CHIA: variants seen among roughly 807,000 people sequenced by gnomAD.
CHIA encodes chitinase acidic.
Under a neutral mutation model 53.5 loss-of-function variants are expected in CHIA, and 47 were observed. The ratio of observed to expected loss-of-function variants is 0.88; its 90% CI spans 0.70 to 1.12. The LOEUF is 1.12. Ranked by LOEUF, CHIA falls within the 50% of genes most tolerant of loss-of-function variation. The pLI is 0.00. For missense variants in CHIA, 652 were observed against 592.2 expected, an observed-to-expected ratio of 1.10 and a Z score of -1.05; for synonymous variants, 268 against 222.2, an observed-to-expected ratio of 1.21 and a Z score of -1.83.
chr1:111,302,801 C>T (rs952533549), intron 1 of CHIA, among the ~76,000 whole-genome samples: 1 of 152,086 alleles, frequency 6.6e-6, no homozygotes, highest in South Asian at 2.1e-4. Flanking sequence ...TCTATTTCCT[C>T]ACTTATCTTC....
intron 1 of CHIA, among the ~76,000 whole-genome samples, 193 bp downstream of exon 1, chr1:111,291,143 C>T (rs997417654): frequency 3.9e-5 from 6 of 152,172 alleles, no homozygotes; most frequent in African/African-American, 1.4e-4. Flanking sequence ...TCCCCTCACA[C>T]ATCTCTCACA....
chr1:111,312,072 C>T, intron 3 of CHIA, 118 bp from the exon 4 acceptor site: 1 of 774,636 alleles, frequency 1.3e-6, no homozygotes, highest in Non-Finnish European at 2.3e-6. Context: ...CTAATTACCT[C>T]CACACAGAGA....
chr1:111,318,826 C>G, intron 9 of CHIA, 148 bp downstream of exon 9: 2 of 914,634 alleles, frequency 2.2e-6, no homozygotes, highest in Non-Finnish European at 3.2e-6. Flanking sequence ...CATTCATTTA[C>G]ATAATCCAAA....
chr1:111,316,320 C>T (rs926426894), intron 6 of CHIA: 1 of 155,618 alleles, frequency 6.4e-6, no homozygotes, highest in African/African-American at 2.4e-5. Context: ...AGAGAGCTGG[C>T]TTTTACCATA....
In CHIA at chr1:111,314,472, G is replaced by A; in HGVS notation, c.258-68G>A. The A allele has an allele frequency of 3.7e-6, 4 of 1,079,664 alleles. 1 individual carries two copies. The highest frequency in any genetic ancestry group is 5.8e-6 in the Non-Finnish European group (4 of 695,652). 66.9% of individuals were successfully genotyped at this position (1,079,664 alleles called of 1,614,324 possible). A position where few individuals can be genotyped will look rare whatever the true frequency, so the allele number is the denominator to read the frequency against. Reference sequence around the variant, plus strand: ...ATATCTGACCAGATCCAACACTAAAGCAATGTATTTTAAATGGAGGGAGTC... The same window carrying A: ...ATATCTGACCAGATCCAACACTAAAACAATGTATTTTAAATGGAGGGAGTC... On this transcript the variant is annotated intron_variant, in intron 4 of 11. Coordinates refer to ENST00000369740, the MANE Select transcript of CHIA (RefSeq NM_201653.4).
At chr1:111,304,458 A>G (rs12026895) in intron 1 of CHIA, among the ~76,000 whole-genome samples, 1 of 152,098 alleles carries the variant, frequency 6.6e-6, no homozygotes, top group Non-Finnish European at 1.5e-5. Context: ...CTCAAACTTA[A>G]TAATTTTCAC....
intron 2 of CHIA, 111 bp downstream of exon 2, chr1:111,310,603 C>A: frequency 6.5e-7 from 1 of 1,539,140 alleles, no homozygotes; most frequent in South Asian, 1.3e-5. Flanking sequence ...CTTTTCCATT[C>A]TTCTTTCATC....
intron 4 of CHIA, 37 bp from the exon 5 acceptor site, chr1:111,314,503 T>A (rs1246131623): frequency 1.4e-6 from 2 of 1,433,262 alleles, no homozygotes; most frequent in Non-Finnish European, 9.8e-7. Flanking sequence ...GAGTCCTGAC[T>A]TTTGAAGTTT....
chr1:111,304,644 A>G (rs1648031537), intron 1 of CHIA, among the ~76,000 whole-genome samples: 1 of 151,934 alleles, frequency 6.6e-6, no homozygotes, highest in Non-Finnish European at 1.5e-5. Flanking sequence ...TTCATACATC[A>G]TTTTCTTCAT....
chr1:111,310,448 G>T lies in CHIA; in HGVS notation c.-20G>T. 1 of 1,614,158 alleles carries T rather than the reference G, an allele frequency of 6.2e-7. No homozygotes were observed. The highest frequency in any genetic ancestry group is 8.5e-7 in the Non-Finnish European group (1 of 1,180,016). ...TCAGAACATATAAAAAGCTCTGCGG[G>T]ACTGGTGCTGACTGCAACCATGACA... is the stretch of plus-strand genomic sequence containing the variant. On this transcript the variant is annotated 5_prime_UTR_variant, in exon 2 of 12. Coordinates refer to ENST00000369740, the MANE Select transcript of CHIA (RefSeq NM_201653.4).
chr1:111,296,124 G>C (rs531336881), intron 1 of CHIA, among the ~76,000 whole-genome samples: 1 of 152,220 alleles, frequency 6.6e-6, no homozygotes, highest in East Asian at 1.9e-4. Flanking sequence ...CTCCACCTCT[G>C]GGGGCAGGGC....
At chr1:111,300,679 C>G (rs576901827) in intron 1 of CHIA, among the ~76,000 whole-genome samples, 1 of 152,258 alleles carries the variant, frequency 6.6e-6, no homozygotes, top group South Asian at 2.1e-4. Context: ...TGGGCAAGGA[C>G]TTCATGACTA....
chr1:111,309,682 G>A (rs1648504708), intron 1 of CHIA, among the ~76,000 whole-genome samples: 2 of 152,220 alleles, frequency 1.3e-5, no homozygotes, highest in African/African-American at 4.8e-5. Context: ...AGTGAATTAT[G>A]TTTGGAAGGG....
chr1:111,308,471 T>G (rs1337183139), intron 1 of CHIA, among the ~76,000 whole-genome samples: 11 of 152,224 alleles, frequency 7.2e-5, no homozygotes, highest in Non-Finnish European at 1.3e-4. Flanking sequence ...AATTTTCTCA[T>G]CAGCAAAATT....
At position 111,320,438 on chromosome 1, in the gene CHIA, C is replaced by A. The variant is rs1203779184; in HGVS notation, c.1403C>A (p.Thr468Asn). 1 of 1,614,032 alleles carries A rather than the reference C, an allele frequency of 6.2e-7. No homozygotes were observed. The highest frequency in any genetic ancestry group is 8.5e-7 in the Non-Finnish European group (1 of 1,179,974). The change falls in exon 12 of 12, where the codon ACC (threonine) becomes AAC (asparagine). Residue 468 changes from threonine (T) to asparagine (N), a missense_variant. Coordinates refer to ENST00000369740, the MANE Select transcript of CHIA (RefSeq NM_201653.4). Reference protein sequence around the residue: ...QNCQAGLVFDTSCDCCNWA With the variant: ...QNCQAGLVFDNSCDCCNWA Reference sequence around the variant, plus strand: ...TGCCAGGCCGGGCTTGTCTTCGACACCAGCTGTGATTGCTGCAACTGGGCA... The same window carrying A: ...TGCCAGGCCGGGCTTGTCTTCGACAACAGCTGTGATTGCTGCAACTGGGCA...
At chr1:111,293,281 G>T (rs987276769) in intron 1 of CHIA, among the ~76,000 whole-genome samples, 11 of 152,124 alleles carry the variant, frequency 7.2e-5, no homozygotes, top group Admixed American at 5.9e-4. Flanking sequence ...CATCCTAGTG[G>T]ATATGAGGTG....
chr1:111,312,206 G>A lies in CHIA; in HGVS notation c.72G>A (p.Leu24=). Residue 24 remains leucine (L), a synonymous_variant, in exon 4 of 12, where the codon CTG becomes CTA. Transcript: ENST00000369740. ...TACACACAGGCTCTGCCTACCAGCT[G>A]ACATGCTACTTCACCAACTGGGCCC... ...LNLQLGSAYQ[L]TCYFTNWAQY... is the part of the protein sequence containing the mutation. 6.2e-7 allele frequency: 1 copy of A among 1,614,086 alleles called. No individual in the cohort carries two copies. Among genetic ancestry groups the A allele is most frequent in the Non-Finnish European group, 8.5e-7 (1 of 1,179,958 alleles).
intron 9 of CHIA, 42 bp downstream of exon 9, chr1:111,318,720 A>C: frequency 6.3e-7 from 1 of 1,580,084 alleles, no homozygotes; most frequent in Non-Finnish European, 8.6e-7. Context: ...AATTCCGTGC[A>C]CTGTGCCTTA....
chr1:111,316,664 A>G (rs7519964), intron 6 of CHIA: 74,723 of 151,988 alleles, frequency 0.49, 19,325 homozygotes, highest in Middle Eastern at 0.62. Flanking sequence ...GCATCCTAAC[A>G]GAGTGCCCAG....
Sources: allele counts gnomAD v4.1 joint callset (sites outside exome capture counted in the v4.1 genomes callset), GRCh38; gene constraint gnomAD v4.1.1; transcripts MANE v1.5; gene names NCBI Gene and HGNC (gene_info 2026-07-23, HGNC 2026-07-21).